STK32A: variants seen among roughly 807,000 people sequenced by gnomAD.
STK32A encodes serine/threonine kinase 32A, also known as serine/threonine-protein kinase 32A.
STK32A carries 41 observed loss-of-function variants against 53.2 expected under a neutral mutation model. The observed-to-expected ratio is 0.77, with a 90% confidence interval of 0.60 to 1.00. STK32A has a LOEUF of 1.00. Among genes scored for constraint, STK32A ranks in the 50% least tolerant of loss-of-function variants. STK32A has a pLI of 0.00. For missense variants in STK32A, 458 were observed against 485.8 expected, an observed-to-expected ratio of 0.94 and a Z score of 0.54; for synonymous variants, 166 against 162.8, an observed-to-expected ratio of 1.02 and a Z score of -0.15.
chr5:147,346,808 A>G (rs1681865974), intron 6 of STK32A, among the ~76,000 whole-genome samples: 3 of 152,340 alleles, frequency 2.0e-5, no homozygotes, highest in Admixed American at 1.3e-4. Context: ...TGCCTGACAT[A>G]TCAGAGAAAA....
chr5:147,279,444 G>T, intron 4 of STK32A, 46 bp downstream of exon 4: 2 of 1,528,546 alleles, frequency 1.3e-6, no homozygotes, highest in Non-Finnish European at 1.8e-6. Context: ...TCCTGTTATC[G>T]GTGGGCTAGG....
intron 2 of STK32A, among the ~76,000 whole-genome samples, chr5:147,243,606 C>A (rs1429887536): frequency 1.3e-5 from 2 of 151,882 alleles, no homozygotes; most frequent in East Asian, 3.9e-4. Context: ...CTGGGCATGC[C>A]AGTGTGCGCC....
At chr5:147,336,419 G>T (rs1311402119) in intron 5 of STK32A, among the ~76,000 whole-genome samples, 1 of 152,006 alleles carries the variant, frequency 6.6e-6, no homozygotes, top group Non-Finnish European at 1.5e-5. Flanking sequence ...ACTGCTCCTG[G>T]GCTTCCATCA....
Position 147,373,304 on chromosome 5 carries a change from T to A in STK32A, c.903+10T>A, listed in dbSNP as rs1286720141. ...AGGTTTCATTCCTAATGTGAGTCAA[T>A]CCTAACAAAGCCAAATAACTCCCAT... On this transcript the variant is annotated intron_variant, in intron 10 of 12. Transcript: ENST00000397936. 1.2e-6 allele frequency: 2 copies of A among 1,612,866 alleles called. No homozygotes were observed. The highest frequency in any genetic ancestry group is 1.1e-5 in the South Asian group (1 of 91,044).
intron 11 of STK32A, among the ~76,000 whole-genome samples, chr5:147,377,745 GT>G (rs1183406799): frequency 8.5e-5 from 13 of 152,150 alleles, no homozygotes; most frequent in African/African-American, 3.1e-4. Context: ...TTTTTAAGTT[GT>G]TTTTCTTTTC....
downstream of STK32A, chr5:147,391,608 C>T (rs554770643): frequency 6.6e-6 from 1 of 152,342 alleles, no homozygotes; most frequent in South Asian, 2.1e-4. Flanking sequence ...GGCCGGGACT[C>T]ACCATTGTTT....
intron 2 of STK32A, among the ~76,000 whole-genome samples, chr5:147,257,790 T>TA (rs1256709911): frequency 6.6e-6 from 1 of 152,070 alleles, no homozygotes; most frequent in Non-Finnish European, 1.5e-5. Flanking sequence ...CTAGGGGTGG[T>TA]ACCTGTGCTA....
Position 147,239,524 on chromosome 5 carries a change from C to CT in STK32A, c.-96-11dup. 1 of 793,212 alleles carries CT rather than the reference C, an allele frequency of 1.3e-6. No individual in the cohort carries two copies. Among genetic ancestry groups the CT allele is most frequent in the Non-Finnish European group, 2.0e-6 (1 of 493,786 alleles). The allele number at this position is 793,212 out of a possible 1,614,324, so 49.1% of individuals were successfully genotyped here. A position where few individuals can be genotyped will look rare whatever the true frequency, so the allele number is the denominator to read the frequency against. On this transcript the variant is annotated splice_polypyrimidine_tract_variant and intron_variant, in intron 1 of 12. Transcript: ENST00000397936. ...ATAGCATATTATTAGGGTACTATTT[C>CT]TTTTCCTATCCTAGATATCCAACTA...
At chr5:147,363,407 C>A (rs969176307) in intron 8 of STK32A, among the ~76,000 whole-genome samples, 1 of 152,174 alleles carries the variant, frequency 6.6e-6, no homozygotes, top group Non-Finnish European at 1.5e-5. Context: ...AGGCACTACC[C>A]ACATGGCTCT....
chr5:147,347,378 G>T (rs1755740922), intron 6 of STK32A, among the ~76,000 whole-genome samples: 1 of 151,924 alleles, frequency 6.6e-6, no homozygotes, highest in African/African-American at 2.4e-5. Flanking sequence ...AAGTTCTGAG[G>T]CTTGCACCTG....
chr5:147,378,489 A>T (rs759271984), intron 11 of STK32A, among the ~76,000 whole-genome samples: 1 of 152,152 alleles, frequency 6.6e-6, no homozygotes, highest in Non-Finnish European at 1.5e-5. Flanking sequence ...CACTGAAGGC[A>T]TTCCTTCAGC....
At chr5:147,293,573 T>C (rs1379663653) in intron 4 of STK32A, among the ~76,000 whole-genome samples, 1 of 149,904 alleles carries the variant, frequency 6.7e-6, no homozygotes, top group East Asian at 2.0e-4. Flanking sequence ...AAAAACTTAC[T>C]CAAAATATTT....
At chr5:147,311,575 T>G (rs1753699036) in intron 4 of STK32A, among the ~76,000 whole-genome samples, 1 of 152,190 alleles carries the variant, frequency 6.6e-6, no homozygotes, top group Admixed American at 6.5e-5. Flanking sequence ...GTGTTTTGTT[T>G]TGTTTTTAAG....
At chr5:147,284,302 C>A (rs763956303) in intron 4 of STK32A, among the ~76,000 whole-genome samples, 21 of 151,962 alleles carry the variant, frequency 1.4e-4, no homozygotes, top group Non-Finnish European at 2.5e-4. Flanking sequence ...CTATGACAAA[C>A]CCACAGCCAA....
chr5:147,314,074 A>G (rs1272436398), intron 4 of STK32A, among the ~76,000 whole-genome samples: 1 of 152,194 alleles, frequency 6.6e-6, no homozygotes, highest in Non-Finnish European at 1.5e-5. Flanking sequence ...GACAAATTGG[A>G]CACCATCAAA....
Position 147,243,738 on chromosome 5 carries a change from C to CAAAAAAA in STK32A, c.52+4055_52+4061dup, listed in dbSNP as rs377312425. Among the ~76,000 whole-genome samples, 653 of 134,684 alleles carry CAAAAAAA rather than the reference C, an allele frequency of 4.8e-3. 8 individuals are homozygous for CAAAAAAA. The highest frequency in any genetic ancestry group is 0.016 in the African/African-American group (569 of 36,522). 88.4% of individuals were successfully genotyped at this position (134,684 alleles called of 152,430 possible). ...CCTGGCAACAGAGCAAGACTCTGTC[C>CAAAAAAA]AAAAAAAAACGGCTTGCTTATTTGA... On this transcript the variant is annotated intron_variant, in intron 2 of 12. Coordinates refer to ENST00000397936, the MANE Select transcript of STK32A (RefSeq NM_001112724.2).
At chr5:147,353,513 G>A (rs1756081247) in intron 7 of STK32A, among the ~76,000 whole-genome samples, 1 of 152,070 alleles carries the variant, frequency 6.6e-6, no homozygotes, top group Non-Finnish European at 1.5e-5. Flanking sequence ...TGTAATCCCA[G>A]CACTTTGGGA....
chr5:147,263,274 T>C (rs535988776), intron 2 of STK32A, among the ~76,000 whole-genome samples: 1 of 152,278 alleles, frequency 6.6e-6, no homozygotes, highest in South Asian at 2.1e-4. Context: ...CATTGGAGAT[T>C]TTCTAATTCA....
At chr5:147,293,235 T>A (rs939392375) in intron 4 of STK32A, among the ~76,000 whole-genome samples, 1 of 152,122 alleles carries the variant, frequency 6.6e-6, no homozygotes, top group Non-Finnish European at 1.5e-5. Context: ...ATACAACAAC[T>A]TGACATAACA....
Sources: allele counts gnomAD v4.1 joint callset (sites outside exome capture counted in the v4.1 genomes callset), GRCh38; gene constraint gnomAD v4.1.1; transcripts MANE v1.5; gene names NCBI Gene and HGNC (gene_info 2026-07-23, HGNC 2026-07-21).